Variants in ACTR3 observed in about 807,000 individuals in gnomAD.
ACTR3 encodes the protein actin-related protein 3.
In ACTR3, 12 loss-of-function variants were observed where a neutral mutation model predicts 56.8. That is an observed-to-expected ratio of 0.21 (90% CI 0.14 to 0.34). The LOEUF is 0.34. Ranked by LOEUF, ACTR3 falls within the 10% of genes least tolerant of loss-of-function variation. ACTR3 has a pLI of 1.00. For synonymous variants in ACTR3, 162 were observed against 167.4 expected, an observed-to-expected ratio of 0.97 and a Z score of 0.25; for missense variants, 282 against 512.5, an observed-to-expected ratio of 0.55 and a Z score of 4.34.
Position 113,890,342 on chromosome 2 carries a change from GGGGGT to G in ACTR3, c.44+24_44+28del. 1 of 1,500,378 alleles carries G rather than the reference GGGGGT, an allele frequency of 6.7e-7. No homozygotes were observed. The highest frequency in any genetic ancestry group is 9.0e-7 in the Non-Finnish European group (1 of 1,110,266). The allele number at this position is 1,500,378 out of a possible 1,614,324, so 92.9% of individuals were successfully genotyped here. A position where few individuals can be genotyped will look rare whatever the true frequency, so the allele number is the denominator to read the frequency against. Reference sequence around the variant, plus strand: ...GCACGGGGTAAGGGGGCTTACGGGCGGGGGTGGGGAAACTGAGGCGGAGGAAGGAA... The same window carrying G: ...GCACGGGGTAAGGGGGCTTACGGGCGGGGGAAACTGAGGCGGAGGAAGGAA... On this transcript the variant is annotated intron_variant, in intron 1 of 11. Coordinates refer to ENST00000263238, the MANE Select transcript of ACTR3 (RefSeq NM_005721.5).
chr2:113,905,479 A>G (rs1273176500), intron 1 of ACTR3, among the ~76,000 whole-genome samples: 3 of 145,380 alleles, frequency 2.1e-5, no homozygotes, highest in East Asian at 3.9e-4. Flanking sequence ...AAAAAAAAAA[A>G]TTTTTTTTTT....
At chr2:113,944,175 A>G (rs1313096118) in intron 8 of ACTR3, among the ~76,000 whole-genome samples, 2 of 152,120 alleles carry the variant, frequency 1.3e-5, no homozygotes, top group East Asian at 3.9e-4. Flanking sequence ...CAATGGAGTG[A>G]TACGTTAGAG....
chr2:113,914,630 AAAAG>A lies in ACTR3; in HGVS notation c.100+1411_100+1414del, dbSNP rs1486100318. ...ACTCAGTCTCAAAAAAAAAAAAAAA[AAAAG>A]AAAGAAAAAGAAAAGAAATACACTT... On this transcript the variant is annotated intron_variant, in intron 2 of 11. Transcript: ENST00000263238. Among the ~76,000 whole-genome samples the A allele has an allele frequency of 2.6e-4, 39 of 148,952 alleles. No homozygotes were observed. In the East Asian group the frequency reaches 4.9e-3, roughly 19 times the overall value.
chr2:113,890,788 A>T, intron 1 of ACTR3: 3 of 1,005,608 alleles, frequency 3.0e-6, no homozygotes, highest in Non-Finnish European at 3.6e-6. Flanking sequence ...GGTAGGTTTG[A>T]CAAGATCGCT....
chr2:113,939,054 C>T (rs1031951459), intron 6 of ACTR3, among the ~76,000 whole-genome samples: 10 of 149,936 alleles, frequency 6.7e-5, no homozygotes, highest in Non-Finnish European at 1.2e-4. Flanking sequence ...GACGGAGTTT[C>T]GCTCTGTCGC....
At position 113,959,231 on chromosome 2, in the gene ACTR3, A is replaced by G. The variant is rs1299402532; in HGVS notation, c.*1776A>G. 6.6e-6 allele frequency: 1 copy of G among 152,072 alleles called. No individual in the cohort carries two copies. The highest frequency in any genetic ancestry group is 2.4e-5 in the African/African-American group (1 of 41,442). The allele number at this position is 152,072 out of a possible 1,614,324, so 9.4% of individuals were successfully genotyped here. On this transcript the variant is annotated 3_prime_UTR_variant, in exon 12 of 12. Coordinates refer to ENST00000263238, the MANE Select transcript of ACTR3 (RefSeq NM_005721.5). Reference sequence around the variant, plus strand: ...TTGTATTGTAATTTTCTGTGTAGGTAGAAATAAATGTAGCTTTCTTATTTT... The same window carrying G: ...TTGTATTGTAATTTTCTGTGTAGGTGGAAATAAATGTAGCTTTCTTATTTT...
intron 6 of ACTR3, among the ~76,000 whole-genome samples, chr2:113,936,302 CA>C (rs61526382): frequency 0.15 from 11,981 of 77,844 alleles, 301 homozygotes; most frequent in South Asian, 0.22. Context: ...ACCCTGTCTC[CA>C]AAAAAAAAAA....
chr2:113,925,415 C>CA (rs1307594751), intron 3 of ACTR3, among the ~76,000 whole-genome samples: 1 of 151,394 alleles, frequency 6.6e-6, no homozygotes, highest in Non-Finnish European at 1.5e-5. Context: ...AGGCTGGTCT[C>CA]AAACTCCTGA....
chr2:113,939,800 A>G (rs891578852), intron 6 of ACTR3, among the ~76,000 whole-genome samples, 159 bp from the exon 7 acceptor site: 11 of 152,232 alleles, frequency 7.2e-5, no homozygotes, highest in African/African-American at 2.4e-4. Context: ...ATTCTTAGTT[A>G]TAGTTTCTGA....
chr2:113,938,906 C>G (rs1284650408), intron 6 of ACTR3, among the ~76,000 whole-genome samples: 5 of 152,162 alleles, frequency 3.3e-5, no homozygotes, highest in African/African-American at 1.2e-4. Context: ...TTGTTGTGGC[C>G]TAGTAACTCT....
chr2:113,915,108 T>C (rs1393163250), intron 2 of ACTR3, among the ~76,000 whole-genome samples: 1 of 152,246 alleles, frequency 6.6e-6, no homozygotes, highest in East Asian at 1.9e-4. Flanking sequence ...TTCAGTTTAG[T>C]GTTAGACCAT....
In ACTR3 at chr2:113,959,670, A is replaced by C. The variant is rs1172203163; in HGVS notation, c.*2215A>C. 1 of 151,980 alleles carries C rather than the reference A, an allele frequency of 6.6e-6. No individual in the cohort carries two copies. 9.4% of individuals were successfully genotyped at this position (151,980 alleles called of 1,614,324 possible). A position where few individuals can be genotyped will look rare whatever the true frequency, so the allele number is the denominator to read the frequency against. ...ATGGTAGCAGCATTCTTGTTTCTTT[A>C]TATCTCTCCTCTGTGATTGTATACC... On this transcript the variant is annotated 3_prime_UTR_variant, in exon 12 of 12. Transcript: ENST00000263238.
At chr2:113,948,900 TC>T (rs1364121296) in intron 8 of ACTR3, among the ~76,000 whole-genome samples, 3 of 85,318 alleles carry the variant, frequency 3.5e-5, no homozygotes, top group Non-Finnish European at 6.1e-5. Context: ...TCCTTTACTA[TC>T]ATTCTAGGGA....
intron 4 of ACTR3, among the ~76,000 whole-genome samples, chr2:113,928,484 G>A (rs1007373474): frequency 3.9e-5 from 6 of 151,976 alleles, no homozygotes; most frequent in African/African-American, 1.2e-4. Context: ...TAAAATCACC[G>A]GTCTGCACCA....
intron 7 of ACTR3, among the ~76,000 whole-genome samples, chr2:113,940,417 T>TG (rs1352837398): frequency 5.3e-5 from 8 of 152,164 alleles, no homozygotes; most frequent in Admixed American, 5.2e-4. Flanking sequence ...ATAAAGTCCT[T>TG]GCATCTCAGT....
rs908517631 is a variant in ACTR3 at position 113,957,999 on chromosome 2, C to T, written c.*544C>T. ...TGGAGTGCTTCCATCCCTCTCCACCCCTTCCCCCCAAAAGGTTTTCTTTGC... is the reference window on the plus strand; with the variant it reads ...TGGAGTGCTTCCATCCCTCTCCACCTCTTCCCCCCAAAAGGTTTTCTTTGC... On this transcript the variant is annotated 3_prime_UTR_variant, in exon 12 of 12. Transcript: ENST00000263238. 2.0e-5 allele frequency: 3 copies of T among 152,380 alleles called. No homozygotes were observed. The highest frequency in any genetic ancestry group is 2.0e-4 in the Admixed American group (3 of 15,272). 9.4% of individuals were successfully genotyped at this position (152,380 alleles called of 1,614,324 possible).
intron 1 of ACTR3, among the ~76,000 whole-genome samples, chr2:113,910,510 CAG>C (rs1679288040): frequency 6.6e-6 from 1 of 152,082 alleles, no homozygotes; most frequent in South Asian, 2.1e-4. Flanking sequence ...TCAGAAGTTC[CAG>C]AGTCTGGGGC....
chr2:113,952,876 G>GC (rs1376774807), intron 10 of ACTR3: 3 of 151,996 alleles, frequency 2.0e-5, no homozygotes, highest in Non-Finnish European at 4.4e-5. Flanking sequence ...CCATTCATTT[G>GC]CCCATCCGTC....
At chr2:113,914,469 G>A (rs1679366230) in intron 2 of ACTR3, among the ~76,000 whole-genome samples, 1 of 152,020 alleles carries the variant, frequency 6.6e-6, no homozygotes, top group Non-Finnish European at 1.5e-5. Context: ...AAATTAGCCA[G>A]GCATGGTGGT....
Sources: allele counts gnomAD v4.1 joint callset (sites outside exome capture counted in the v4.1 genomes callset), GRCh38; gene constraint gnomAD v4.1.1; transcripts MANE v1.5; gene names NCBI Gene and HGNC (gene_info 2026-07-23, HGNC 2026-07-21).